EME2: variants seen among roughly 807,000 people sequenced by gnomAD.
The protein encoded by EME2 is essential meiotic structure-specific endonuclease subunit 2.
Under a neutral mutation model 41.9 loss-of-function variants are expected in EME2, and 58 were observed. The observed-to-expected ratio is 1.38, with a 90% CI of 1.12 to 1.72. The LOEUF (loss-of-function observed/expected upper bound fraction) is 1.72. Among genes scored for constraint, EME2 ranks in the 40% most tolerant of loss-of-function variants. The pLI is 0.00. For missense variants in EME2, 695 were observed against 541.9 expected (o/e 1.28, Z -2.81); for synonymous variants, 334 against 239.3 (o/e 1.40, Z -3.65).
rs755159393 is a variant in EME2, at chr16:1,777,247, C to T, written c.*1009C>T. On this transcript the variant is annotated 3_prime_UTR_variant, in exon 8 of 8. Transcript: ENST00000568449. ...AGCCCAGCTTGTTGTGTAGCACCTGCTTGAGGCCCGGCGGCAGCGGCAGAC... is the reference window on the plus strand; with the variant it reads ...AGCCCAGCTTGTTGTGTAGCACCTGTTTGAGGCCCGGCGGCAGCGGCAGAC... The T allele has an allele frequency of 3.1e-6, 5 of 1,610,790 alleles. No homozygotes were observed. In the Admixed American group the frequency reaches 6.7e-5, roughly 21 times the overall value.
At position 1,773,164 on chromosome 16, in the gene EME2, A is replaced by T; in HGVS notation, c.-64A>T. On this transcript the variant is annotated 5_prime_UTR_variant, in exon 1 of 8. Coordinates refer to ENST00000568449, the MANE Select transcript of EME2 (RefSeq NM_001257370.2). ...CGGTCCGGCCGGAAGTCACCGGAAGAGGCCGGTGTCCCAGGCTAAAGTGTT... is the reference window on the plus strand; with the variant it reads ...CGGTCCGGCCGGAAGTCACCGGAAGTGGCCGGTGTCCCAGGCTAAAGTGTT... 1.4e-6 allele frequency: 2 copies of T among 1,408,886 alleles called. No individual in the cohort carries two copies. The highest frequency in any genetic ancestry group is 1.8e-6 in the Non-Finnish European group (2 of 1,088,688). 87.3% of individuals were successfully genotyped at this position (1,408,886 alleles called of 1,614,324 possible). A position where few individuals can be genotyped will look rare whatever the true frequency, so the allele number is the denominator to read the frequency against.
In EME2 at chr16:1,781,263, C is replaced by G; in HGVS notation, c.*5025C>G. 6.2e-7 allele frequency: 1 copy of G among 1,608,500 alleles called. No homozygotes were observed. The highest frequency in any genetic ancestry group is 8.5e-7 in the Non-Finnish European group (1 of 1,179,614). On this transcript the variant is annotated 3_prime_UTR_variant, in exon 8 of 8. Transcript: ENST00000568449. ...TCTAGCCTCAGAAGCATCTTTTTCT[C>G]CGACTGATTCCGTGTTCAGGTAATG...
In EME2 at chr16:1,773,270, G is replaced by C. The variant is rs758815748; in HGVS notation, c.43G>C (p.Gly15Arg). 2 of 1,464,394 alleles carry C rather than the reference G, an allele frequency of 1.4e-6. No homozygotes were observed. Among genetic ancestry groups the C allele is most frequent in the East Asian group, 2.6e-5 (1 of 38,032 alleles). The allele number at this position is 1,464,394 out of a possible 1,614,324, so 90.7% of individuals were successfully genotyped here. Residue 15 changes from glycine to arginine, a missense_variant, in exon 1 of 8, where the codon GGC becomes CGC. Coordinates refer to ENST00000568449, the MANE Select transcript of EME2 (RefSeq NM_001257370.2). ...CGGGAGGGCGGGGGTCTCTTGCCAGGGCCGGGGCCGGGGACGGGGCGGGAG... is the reference window on the plus strand; with the variant it reads ...CGGGAGGGCGGGGGTCTCTTGCCAGCGCCGGGGCCGGGGACGGGGCGGGAG... ...GPGRAGVSCQGRGRGRGGSGQ... is the reference protein window; with the variant it reads ...GPGRAGVSCQRRGRGRGGSGQ...
rs908491663 is a variant in EME2, at chr16:1,776,828, A to G, written c.*590A>G. 5 of 527,346 alleles carry G rather than the reference A, an allele frequency of 9.5e-6. No individual in the cohort carries two copies. The highest frequency in any genetic ancestry group is 1.9e-5 in the African/African-American group (1 of 52,232). The allele number at this position is 527,346 out of a possible 1,614,324, so 32.7% of individuals were successfully genotyped here. A position where few individuals can be genotyped will look rare whatever the true frequency, so the allele number is the denominator to read the frequency against. On this transcript the variant is annotated 3_prime_UTR_variant, in exon 8 of 8. Transcript: ENST00000568449. ...AAACCGAGGCCCTGTGGGAACAGCA[A>G]CGCGGGCTCCAGCCAGGCTCTCGTC...
rs777668612 is a variant in EME2, at chr16:1,777,385, C to T, written c.*1147C>T. ...GGGTGACCTTCATGCTGCTCCGGGCCGCCGTGGAGCACACCATCGGGTAGA... is the reference window on the plus strand; with the variant it reads ...GGGTGACCTTCATGCTGCTCCGGGCTGCCGTGGAGCACACCATCGGGTAGA... On this transcript the variant is annotated 3_prime_UTR_variant, in exon 8 of 8. Coordinates refer to ENST00000568449, the MANE Select transcript of EME2 (RefSeq NM_001257370.2). 61 of 1,594,046 alleles carry T rather than the reference C, an allele frequency of 3.8e-5. 1 individual carries two copies. In the Admixed American group the frequency reaches 4.7e-4, roughly 12 times the overall value.
rs548587642 is a variant in EME2 at position 1,774,438 on chromosome 16, C to T, written c.477+86C>T. On this transcript the variant is annotated intron_variant, in intron 3 of 7. Transcript: ENST00000568449. ...GCGCCTGCTCCGCCGGTCCCTGCCC[C>T]TGTAGACGGGGCTGGAGGGGGCATG... 300 of 1,130,844 alleles carry T rather than the reference C, an allele frequency of 2.7e-4. No individual in the cohort carries two copies. The African/African-American group carries it at 4.0e-3, about 15-fold the overall frequency. 70.1% of individuals were successfully genotyped at this position (1,130,844 alleles called of 1,614,324 possible).
Position 1,772,978 on chromosome 16 carries a change from GT to G in EME2, c.-249del. ...GCCCAGGCCCGGACCGGCAGCCGGC[GT>G]CCAGAGAACGGCCGCGTCAAGGTCT... On this transcript the variant is annotated 5_prime_UTR_variant, in exon 1 of 8. Transcript: ENST00000568449. The G allele has an allele frequency of 6.9e-7, 1 of 1,450,250 alleles. No individual in the cohort carries two copies. Among genetic ancestry groups the G allele is most frequent in the African/African-American group, 1.5e-5 (1 of 66,930 alleles). 89.8% of individuals were successfully genotyped at this position (1,450,250 alleles called of 1,614,324 possible).
chr16:1,778,784 G>A lies in EME2; in HGVS notation c.*2546G>A. Reference sequence around the variant, plus strand: ...CACAGCCCAGGCTCCCTCCCAACGGGCTCCGGCTCTGCCCCATTCTGCATG... The same window carrying A: ...CACAGCCCAGGCTCCCTCCCAACGGACTCCGGCTCTGCCCCATTCTGCATG... On this transcript the variant is annotated 3_prime_UTR_variant, in exon 8 of 8. Coordinates refer to ENST00000568449, the MANE Select transcript of EME2 (RefSeq NM_001257370.2). The A allele has an allele frequency of 1.2e-5, 8 of 653,344 alleles. No homozygotes were observed. The highest frequency in any genetic ancestry group is 1.7e-5 in the Non-Finnish European group (7 of 415,940). 40.5% of individuals were successfully genotyped at this position (653,344 alleles called of 1,614,324 possible).
chr16:1,773,155 C>T lies in EME2; in HGVS notation c.-73C>T. ...CGTCCTCAGCGGTCCGGCCGGAAGT[C>T]ACCGGAAGAGGCCGGTGTCCCAGGC... is the stretch of plus-strand genomic sequence containing the variant. On this transcript the variant is annotated 5_prime_UTR_variant, in exon 1 of 8. Coordinates refer to ENST00000568449, the MANE Select transcript of EME2 (RefSeq NM_001257370.2). The T allele has an allele frequency of 7.1e-7, 1 of 1,401,638 alleles. No homozygotes were observed. The highest frequency in any genetic ancestry group is 9.2e-7 in the Non-Finnish European group (1 of 1,084,412). The allele number at this position is 1,401,638 out of a possible 1,614,324, so 86.8% of individuals were successfully genotyped here.
rs747146862 is a variant in EME2, at chr16:1,781,504, A to G, written c.*5266A>G. 6.2e-7 allele frequency: 1 copy of G among 1,610,034 alleles called. No individual in the cohort carries two copies. Among genetic ancestry groups the G allele is most frequent in the East Asian group, 2.2e-5 (1 of 44,818 alleles). Reference sequence around the variant, plus strand: ...GCCATGGTGGAAAGAATCTAGAAGAAAACACAGGCTCTGGGCAAAGGAAGA... The same window carrying G: ...GCCATGGTGGAAAGAATCTAGAAGAGAACACAGGCTCTGGGCAAAGGAAGA... On this transcript the variant is annotated 3_prime_UTR_variant, in exon 8 of 8. Coordinates refer to ENST00000568449, the MANE Select transcript of EME2 (RefSeq NM_001257370.2).
intron 2 of EME2, 110 bp downstream of exon 2, chr16:1,773,951 GC>G (rs1348930263): frequency 5.2e-6 from 7 of 1,355,522 alleles, no homozygotes; most frequent in Non-Finnish European, 6.8e-6. Context: ...TGCGCGTCTC[GC>G]GGATGGGTAA....
In EME2 at chr16:1,773,021, G is replaced by C. The variant is rs2042647404; in HGVS notation, c.-207G>C. 3 of 1,452,070 alleles carry C rather than the reference G, an allele frequency of 2.1e-6. No homozygotes were observed. The highest frequency in any genetic ancestry group is 1.4e-5 in the South Asian group (1 of 70,998). The allele number at this position is 1,452,070 out of a possible 1,614,324, so 89.9% of individuals were successfully genotyped here. A position where few individuals can be genotyped will look rare whatever the true frequency, so the allele number is the denominator to read the frequency against. On this transcript the variant is annotated 5_prime_UTR_variant, in exon 1 of 8. Coordinates refer to ENST00000568449, the MANE Select transcript of EME2 (RefSeq NM_001257370.2). Reference sequence around the variant, plus strand: ...TCAAGGTCTCGTAGTCCACCGCGTAGAGCTGGGAGTCGCGCGGCCTGTTCA... The same window carrying C: ...TCAAGGTCTCGTAGTCCACCGCGTACAGCTGGGAGTCGCGCGGCCTGTTCA...
rs1380867611 is a variant in EME2 at position 1,781,088 on chromosome 16, C to A, written c.*4850C>A. 8 of 1,280,442 alleles carry A rather than the reference C, an allele frequency of 6.2e-6. No individual in the cohort carries two copies. The highest frequency in any genetic ancestry group is 3.0e-5 in the African/African-American group (2 of 67,642). The allele number at this position is 1,280,442 out of a possible 1,614,324, so 79.3% of individuals were successfully genotyped here. A position where few individuals can be genotyped will look rare whatever the true frequency, so the allele number is the denominator to read the frequency against. On this transcript the variant is annotated 3_prime_UTR_variant, in exon 8 of 8. Transcript: ENST00000568449. ...AAAAGCAACTGCCAACCTCTCCATG[C>A]ACCATGTGTTTCAGAGGAGAAAGCA...
Position 1,781,457 on chromosome 16 carries a change from C to T in EME2, c.*5219C>T. On this transcript the variant is annotated 3_prime_UTR_variant, in exon 8 of 8. Coordinates refer to ENST00000568449, the MANE Select transcript of EME2 (RefSeq NM_001257370.2). The stretch of plus-strand genomic sequence containing the variant: ...CTGCACTCAGGACGAAGTGCCAGGC[C>T]CTGCTGTTCCGGGGGCGTCTGGCCA... 6.2e-7 allele frequency: 1 copy of T among 1,612,722 alleles called. No homozygotes were observed. Among genetic ancestry groups the T allele is most frequent in the Non-Finnish European group, 8.5e-7 (1 of 1,179,992 alleles).
chr16:1,775,535 C>G (rs1203139915), intron 5 of EME2, 34 bp from the exon 6 acceptor site: 2 of 1,608,356 alleles, frequency 1.2e-6, no homozygotes, highest in South Asian at 2.2e-5. Context: ...TAGCCTTCCT[C>G]TGGCTCGTGC....
rs749277136 is a variant in EME2, at chr16:1,775,080, G to T, written c.517G>T (p.Glu173Ter). 7 of 1,610,856 alleles carry T rather than the reference G, an allele frequency of 4.3e-6. No individual in the cohort carries two copies. In the South Asian group the frequency reaches 6.6e-5, roughly 15 times the overall value. The change falls in exon 4 of 8, where the codon GAG becomes TAG. Residue 173 changes from glutamate to a stop codon, truncating the protein, a stop_gained. Transcript: ENST00000568449. LOFTEE classifies it high-confidence loss of function. ...CCACTGGGTGCCCTGGATCTCCCCC[G>T]AGACCACCGCCCGGCCCCACCTGGC... is the stretch of plus-strand genomic sequence containing the variant. ...PTHWVPWISP[E>*]TTARPHLAVI...
At chr16:1,774,668 G>C (rs1423350700) in intron 3 of EME2, among the ~76,000 whole-genome samples, 3 of 152,248 alleles carry the variant, frequency 2.0e-5, no homozygotes, top group Non-Finnish European at 4.4e-5. Context: ...CAGTGCTCAG[G>C]TGCTGTGGTG....
chr16:1,777,612 C>T lies in EME2; in HGVS notation c.*1374C>T. ...CTCCAGCCTGGCCTCACTGTCCCAC[C>T]CCCTGGGACCCTGGGGCCTCAGGCT... On this transcript the variant is annotated 3_prime_UTR_variant, in exon 8 of 8. Coordinates refer to ENST00000568449, the MANE Select transcript of EME2 (RefSeq NM_001257370.2). 2 of 1,449,206 alleles carry T rather than the reference C, an allele frequency of 1.4e-6. No individual in the cohort carries two copies. Among genetic ancestry groups the T allele is most frequent in the South Asian group, 2.6e-5 (2 of 76,182 alleles). The allele number at this position is 1,449,206 out of a possible 1,614,324, so 89.8% of individuals were successfully genotyped here.
chr16:1,776,106 C>T lies in EME2; in HGVS notation c.1008C>T (p.Gly336=), dbSNP rs2042708747. 1.2e-6 allele frequency: 2 copies of T among 1,611,358 alleles called. No individual in the cohort carries two copies. Among genetic ancestry groups the T allele is most frequent in the South Asian group, 1.1e-5 (1 of 91,004 alleles). The change falls in exon 8 of 8, where the codon GGC becomes GGT. Residue 336 remains glycine, a synonymous_variant. Transcript: ENST00000568449. ...EACSTERERM[G]LLADLPVPPS... The stretch of plus-strand genomic sequence containing the variant: ...GCAGCACGGAGCGGGAGCGCATGGG[C>T]CTCCTGGCCGACCTTCCTGTGCCGC...
Sources: gnomAD v4.1 joint callset for allele counts (sites outside exome capture counted in the v4.1 genomes callset) on GRCh38, gnomAD v4.1.1 for gene constraint, MANE v1.5 for transcripts, NCBI Gene and HGNC (gene_info 2026-07-23, HGNC 2026-07-21) for gene names.